The following FLRT3 variants were observed in gnomAD, a reference collection of about 807,000 sequenced individuals.
FLRT3 encodes the protein leucine-rich repeat transmembrane protein FLRT3.
Under a neutral mutation model 42.6 loss-of-function variants are expected in FLRT3, and 17 were observed. The ratio of observed to expected loss-of-function variants is 0.40; its 90% confidence interval spans 0.27 to 0.60. The LOEUF (loss-of-function observed/expected upper bound fraction) is 0.60, where lower values mean the gene tolerates loss of function less well. Among genes scored for constraint, FLRT3 ranks in the 20% least tolerant of loss-of-function variants. FLRT3 has a pLI of 0.44. For synonymous variants in FLRT3, 279 were observed against 286.4 expected, an observed-to-expected ratio of 0.97 and a Z score of 0.26; for missense variants, 635 against 789.2, an observed-to-expected ratio of 0.80 and a Z score of 2.34.
At position 14,324,795 on chromosome 20, in the gene FLRT3, C is replaced by A. The variant is rs1187040278; in HGVS notation, c.*762G>T. ...TGTTTTCCTAAGTACACATTTTCCC[C>A]CCAACTTGGAAGCACATTTACATTA... On this transcript the variant is annotated 3_prime_UTR_variant, in exon 3 of 3. Transcript: ENST00000341420. The A allele has an allele frequency of 6.6e-6, 1 of 152,124 alleles. No individual in the cohort carries two copies. Among genetic ancestry groups the A allele is most frequent in the Non-Finnish European group, 1.5e-5 (1 of 68,036 alleles). 9.4% of individuals were successfully genotyped at this position (152,124 alleles called of 1,614,324 possible).
chr20:14,336,646 G>A (rs1332028625), intron 1 of FLRT3, among the ~76,000 whole-genome samples: 1 of 152,138 alleles, frequency 6.6e-6, no homozygotes, highest in Non-Finnish European at 1.5e-5. Flanking sequence ...CATACATCAG[G>A]CATAGCTTCC....
At position 14,327,087 on chromosome 20, in the gene FLRT3, G is replaced by C. The variant is rs766736015; in HGVS notation, c.420C>G (p.Val140=). The stretch of plus-strand genomic sequence containing the variant: ...CTCCCTCTTCTATGCTAACTGCAGA[G>C]ACAGAGTTGTCATCTAAATGTAATT... ...LEELHLDDNS[V]SAVSIEEGAF... is the part of the protein sequence containing the mutation. Residue 140 remains valine (V), a synonymous_variant, in exon 3 of 3, where the codon GTC becomes GTG. Coordinates refer to ENST00000341420, the MANE Select transcript of FLRT3 (RefSeq NM_198391.3). 1 of 1,613,762 alleles carries C rather than the reference G, an allele frequency of 6.2e-7. No homozygotes were observed. Among genetic ancestry groups the C allele is most frequent in the South Asian group, 1.1e-5 (1 of 91,076 alleles).
At chr20:14,332,542 A>G (rs2082864396) in intron 1 of FLRT3, among the ~76,000 whole-genome samples, 1 of 152,132 alleles carries the variant, frequency 6.6e-6, no homozygotes, top group Non-Finnish European at 1.5e-5. Context: ...ATTGATTTTG[A>G]TTTGACCTGT....
chr20:14,327,164 T>A lies in FLRT3; in HGVS notation c.343A>T (p.Asn115Tyr). ...GAATCATAAGTGATAGTCCTTATGT[T>A]ATTTTCTTGCAAATGTAACTCTTTT... ...YVKELHLQEN[N>Y]IRTITYDSLS... The change falls in exon 3 of 3, where the codon AAC becomes TAC. Residue 115 changes from asparagine to tyrosine, a missense_variant. Asn to Tyr is a moderately radical substitution (Grantham distance 143). Transcript: ENST00000341420. 1.9e-6 allele frequency: 3 copies of A among 1,613,762 alleles called. No homozygotes were observed. The highest frequency in any genetic ancestry group is 2.5e-6 in the Non-Finnish European group (3 of 1,179,776).
chr20:14,325,686 C>T lies in FLRT3; in HGVS notation c.1821G>A (p.Glu607=). The T allele has an allele frequency of 6.2e-7, 1 of 1,613,870 alleles. No homozygotes were observed. The highest frequency in any genetic ancestry group is 8.5e-7 in the Non-Finnish European group (1 of 1,179,830). Residue 607 remains glutamate, a synonymous_variant, in exon 3 of 3, where the codon GAG becomes GAA. Transcript: ENST00000341420. ...LPISNEPISK[E]EFVIHTIFPP... is the part of the protein sequence containing the mutation. The stretch of plus-strand genomic sequence containing the variant: ...GAAATATGGTGTGTATTACAAACTC[C>T]TCCTTCGAGATGGGTTCATTGCTTA...
intron 1 of FLRT3, among the ~76,000 whole-genome samples, chr20:14,333,502 T>A (rs1252649669): frequency 1.3e-5 from 2 of 152,138 alleles, no homozygotes; most frequent in Admixed American, 1.3e-4. Flanking sequence ...TAGAGAGTGG[T>A]GAAGGTAAGT....
At position 14,327,284 on chromosome 20, in the gene FLRT3, T is replaced by A. The variant is rs1206184404; in HGVS notation, c.223A>T (p.Ile75Phe). 3.7e-6 allele frequency: 6 copies of A among 1,613,718 alleles called. No individual in the cohort carries two copies. Among genetic ancestry groups the A allele is most frequent in the Non-Finnish European group, 3.4e-6 (4 of 1,179,782 alleles). ...LQNNQINNAGIPSDLKNLLKV... is the reference protein window; with the variant it reads ...LQNNQINNAGFPSDLKNLLKV... ...AGCAAGTTTTTCAAATCTGAAGGAA[T>A]CCCAGCATTATTTATTTGGTTGTTC... Residue 75 changes from isoleucine to phenylalanine, a missense_variant, in exon 3 of 3, where the codon ATT (isoleucine) becomes TTT (phenylalanine). Transcript: ENST00000341420.
chr20:14,330,271 G>A (rs1317750832), intron 1 of FLRT3, among the ~76,000 whole-genome samples: 2 of 152,010 alleles, frequency 1.3e-5, no homozygotes, highest in African/African-American at 2.4e-5. Context: ...AAATATGCAC[G>A]AAGATTTTTT....
chr20:14,325,118 T>C lies in FLRT3; in HGVS notation c.*439A>G, dbSNP rs1429562665. The C allele has an allele frequency of 2.0e-5, 3 of 152,966 alleles. No homozygotes were observed. Among genetic ancestry groups the C allele is most frequent in the Non-Finnish European group, 4.4e-5 (3 of 68,324 alleles). 9.5% of individuals were successfully genotyped at this position (152,966 alleles called of 1,614,324 possible). A position where few individuals can be genotyped will look rare whatever the true frequency, so the allele number is the denominator to read the frequency against. On this transcript the variant is annotated 3_prime_UTR_variant, in exon 3 of 3. Coordinates refer to ENST00000341420, the MANE Select transcript of FLRT3 (RefSeq NM_198391.3). ...TCTCATTCAGCCATTCAGCCAGTTT[T>C]TTTTTTTTACATTTTATTAATACCA...
chr20:14,324,901 A>T lies in FLRT3; in HGVS notation c.*656T>A, dbSNP rs2082709188. 1.3e-5 allele frequency: 2 copies of T among 152,628 alleles called. No homozygotes were observed. The highest frequency in any genetic ancestry group is 4.8e-5 in the African/African-American group (2 of 41,572). 9.5% of individuals were successfully genotyped at this position (152,628 alleles called of 1,614,324 possible). On this transcript the variant is annotated 3_prime_UTR_variant, in exon 3 of 3. Coordinates refer to ENST00000341420, the MANE Select transcript of FLRT3 (RefSeq NM_198391.3). Reference sequence around the variant, plus strand: ...CTTCATGCTCCTTTTATGCCAGCTGATGTATTCAGTTCAGAAGATATGCTT... The same window carrying T: ...CTTCATGCTCCTTTTATGCCAGCTGTTGTATTCAGTTCAGAAGATATGCTT...
chr20:14,330,783 C>A (rs1395586414), intron 1 of FLRT3, among the ~76,000 whole-genome samples: 10 of 151,992 alleles, frequency 6.6e-5, no homozygotes, highest in Admixed American at 6.6e-4. Context: ...GGGCTTTGCT[C>A]ATTATTGTCA....
chr20:14,332,243 G>C (rs993990425), intron 1 of FLRT3, among the ~76,000 whole-genome samples: 47 of 151,920 alleles, frequency 3.1e-4, no homozygotes, highest in African/African-American at 1.1e-3. Flanking sequence ...AAGTCTGAAA[G>C]CTTCCAATTT....
At chr20:14,337,015 A>C (rs959834152) in intron 1 of FLRT3, among the ~76,000 whole-genome samples, 2 of 152,202 alleles carry the variant, frequency 1.3e-5, no homozygotes, top group Non-Finnish European at 2.9e-5. Context: ...AGTTGTAAAA[A>C]CAGCAATTGG....
intron 1 of FLRT3, among the ~76,000 whole-genome samples, chr20:14,329,908 A>G (rs945961272): frequency 2.0e-5 from 3 of 152,052 alleles, no homozygotes; most frequent in Non-Finnish European, 4.4e-5. Flanking sequence ...TTAGGGGTGT[A>G]TCTAAGGACT....
In FLRT3 at chr20:14,324,345, G is replaced by T. The variant is rs1269877848; in HGVS notation, c.*1212C>A. 6.6e-6 allele frequency: 1 copy of T among 152,362 alleles called. No individual in the cohort carries two copies. The highest frequency in any genetic ancestry group is 6.6e-5 in the Admixed American group (1 of 15,242). The allele number at this position is 152,362 out of a possible 1,614,324, so 9.4% of individuals were successfully genotyped here. A position where few individuals can be genotyped will look rare whatever the true frequency, so the allele number is the denominator to read the frequency against. Reference sequence around the variant, plus strand: ...TGATATGGTTTTTCAACAAGTAACAGCTCACAATTCAGTAGGAAGCTAGAA... The same window carrying T: ...TGATATGGTTTTTCAACAAGTAACATCTCACAATTCAGTAGGAAGCTAGAA... On this transcript the variant is annotated 3_prime_UTR_variant, in exon 3 of 3. Coordinates refer to ENST00000341420, the MANE Select transcript of FLRT3 (RefSeq NM_198391.3).
In FLRT3 at chr20:14,325,302, T is replaced by G. The variant is rs1033623673; in HGVS notation, c.*255A>C. 2 of 327,784 alleles carry G rather than the reference T, an allele frequency of 6.1e-6. No individual in the cohort carries two copies. Among genetic ancestry groups the G allele is most frequent in the Non-Finnish European group, 1.1e-5 (2 of 182,114 alleles). The allele number at this position is 327,784 out of a possible 1,614,324, so 20.3% of individuals were successfully genotyped here. ...ATAACTCCAATATTTGCAAGGAAAA[T>G]ACAGTACAAATTACTAAAAAATACT... On this transcript the variant is annotated 3_prime_UTR_variant, in exon 3 of 3. Transcript: ENST00000341420.
chr20:14,331,575 G>A (rs964814352), intron 1 of FLRT3, among the ~76,000 whole-genome samples: 9 of 152,066 alleles, frequency 5.9e-5, no homozygotes, highest in African/African-American at 2.2e-4. Context: ...TACTCTTTCG[G>A]AAATGAAGAT....
Position 14,327,574 on chromosome 20 carries a change from T to A in FLRT3, c.-52-16A>T. On this transcript the variant is annotated splice_polypyrimidine_tract_variant and intron_variant, in intron 2 of 2. Coordinates refer to ENST00000341420, the MANE Select transcript of FLRT3 (RefSeq NM_198391.3). ...CTTCAGAACCCTAAAATGAAGTGAGTAAAAAAAGACAGAAAACAATAAGGC... is the reference window on the plus strand; with the variant it reads ...CTTCAGAACCCTAAAATGAAGTGAGAAAAAAAAGACAGAAAACAATAAGGC... 6.7e-7 allele frequency: 1 copy of A among 1,485,214 alleles called. No homozygotes were observed. Among genetic ancestry groups the A allele is most frequent in the South Asian group, 1.4e-5 (1 of 73,286 alleles). The allele number at this position is 1,485,214 out of a possible 1,614,324, so 92.0% of individuals were successfully genotyped here.
At position 14,326,029 on chromosome 20, in the gene FLRT3, G is replaced by T. The variant is rs761455522; in HGVS notation, c.1478C>A (p.Thr493Asn). ...ETSNLYLFDE[T>N]PVCIETETAP... ...AGTTTCAGTCTCAATACAAACAGGA[G>T]TTTCATCAAATAGGTAGAGGTTGCT... Residue 493 changes from threonine (T) to asparagine (N), a missense_variant, in exon 3 of 3, where the codon ACT (threonine) becomes AAT (asparagine). Transcript: ENST00000341420. The surrounding 1 kb of genome is among the most constrained non-coding windows in gnomAD (Gnocchi z 5.5). 1.2e-6 allele frequency: 2 copies of T among 1,613,802 alleles called. No individual in the cohort carries two copies. The highest frequency in any genetic ancestry group is 2.2e-5 in the East Asian group (1 of 44,878).
Sources: gnomAD v4.1 joint callset for allele counts (sites outside exome capture counted in the v4.1 genomes callset) on GRCh38, gnomAD v4.1.1 for gene constraint, Gnocchi (gnomAD v3.1) non-coding constraint, MANE v1.5 for transcripts, NCBI Gene and HGNC (gene_info 2026-07-23, HGNC 2026-07-21) for gene names.